Variants in PSME4 observed in about 807,000 individuals in gnomAD.
PSME4 encodes proteasome activator subunit 4, also known as proteasome activator complex subunit 4.
In PSME4, 89 loss-of-function variants were observed where a neutral mutation model predicts 253.9. The ratio of observed to expected loss-of-function variants is 0.35; its 90% CI spans 0.30 to 0.42. PSME4 has a LOEUF of 0.42. Among genes scored for constraint, PSME4 ranks in the 10% least tolerant of loss-of-function variants. PSME4 has a pLI of 1.00. For synonymous variants in PSME4, 851 were observed against 759.2 expected (o/e 1.12, Z -1.99); for missense variants, 2,014 against 2,195.2 (o/e 0.92, Z 1.65).
At chr2:53,956,319 A>G (rs955861050) in intron 1 of PSME4, among the ~76,000 whole-genome samples, 9 of 152,020 alleles carry the variant, frequency 5.9e-5, no homozygotes, top group African/African-American at 1.7e-4. Context: ...ACCTGAGGTC[A>G]GGAGTTTGAG....
Position 53,931,818 on chromosome 2 carries a change from T to C in PSME4, c.1316+17A>G. The C allele has an allele frequency of 6.2e-7, 1 of 1,611,688 alleles. No homozygotes were observed. The highest frequency in any genetic ancestry group is 8.5e-7 in the Non-Finnish European group (1 of 1,178,458). Reference sequence around the variant, plus strand: ...AGAAAAACCTAGCTGTGGCTGAGACTCCCACTAACCACTTACCTTTCAAGT... The same window carrying C: ...AGAAAAACCTAGCTGTGGCTGAGACCCCCACTAACCACTTACCTTTCAAGT... On this transcript the variant is annotated intron_variant, in intron 10 of 46. Coordinates refer to ENST00000404125, the MANE Select transcript of PSME4 (RefSeq NM_014614.3).
chr2:53,868,475 T>C (rs1202201619), intron 44 of PSME4, among the ~76,000 whole-genome samples: 1 of 90,138 alleles, frequency 1.1e-5, no homozygotes, highest in African/African-American at 4.2e-5. Context: ...TTATAAAATA[T>C]ATTTATAATA....
intron 1 of PSME4, among the ~76,000 whole-genome samples, chr2:53,965,098 C>A (rs775952353): frequency 5.9e-5 from 9 of 151,944 alleles, no homozygotes; most frequent in African/African-American, 2.2e-4. Context: ...CACACACACA[C>A]ACAGACACAC....
At chr2:53,941,872 G>A (rs765202265) in intron 3 of PSME4, among the ~76,000 whole-genome samples, 1 of 151,912 alleles carries the variant, frequency 6.6e-6, no homozygotes, top group Non-Finnish European at 1.5e-5. Context: ...TTTCACATAC[G>A]ACCTTGCTAT....
chr2:53,964,802 C>T (rs1670639661), intron 1 of PSME4, among the ~76,000 whole-genome samples: 1 of 152,128 alleles, frequency 6.6e-6, no homozygotes, highest in Admixed American at 6.6e-5. Flanking sequence ...CTTGACTACA[C>T]CTAAGTTTCT....
intron 1 of PSME4, among the ~76,000 whole-genome samples, 165 bp from the exon 2 acceptor site, chr2:53,949,448 CTTTT>C (rs77741355): frequency 0.012 from 1,611 of 139,414 alleles, 24 homozygotes; most frequent in African/African-American, 0.041. Context: ...GGATTATTGT[CTTTT>C]TTTTTTTTTT....
intron 1 of PSME4, among the ~76,000 whole-genome samples, chr2:53,955,652 T>C (rs549604349): frequency 1.3e-5 from 2 of 152,306 alleles, no homozygotes; most frequent in South Asian, 2.1e-4. Flanking sequence ...CCCAGCACAG[T>C]GGCTCATGTC....
chr2:53,906,771 T>C (rs1163762043), intron 25 of PSME4, 35 bp downstream of exon 25: 2 of 1,602,000 alleles, frequency 1.2e-6, no homozygotes, highest in Non-Finnish European at 1.7e-6. Flanking sequence ...AAATTGACAT[T>C]TTAAAAAGTC....
intron 1 of PSME4, among the ~76,000 whole-genome samples, chr2:53,968,580 T>C (rs1286283582): frequency 6.6e-6 from 1 of 152,170 alleles, no homozygotes; most frequent in Admixed American, 6.6e-5. Context: ...GATCACAACA[T>C]GTCCCACCGC....
chr2:53,888,655 C>T, intron 38 of PSME4, 66 bp downstream of exon 38: 1 of 1,132,876 alleles, frequency 8.8e-7, no homozygotes, highest in South Asian at 1.3e-5. Context: ...CCATTCATTT[C>T]CATTTATACA....
intron 41 of PSME4, among the ~76,000 whole-genome samples, chr2:53,885,327 C>T (rs747035247): frequency 8.5e-5 from 13 of 152,140 alleles, no homozygotes; most frequent in Non-Finnish European, 1.8e-4. Flanking sequence ...TGAACATTTT[C>T]GTTTGTAGAT....
At chr2:53,872,890 AG>A (rs1435842717) in intron 43 of PSME4, among the ~76,000 whole-genome samples, 2 of 133,876 alleles carry the variant, frequency 1.5e-5, no homozygotes, top group Non-Finnish European at 3.3e-5. Flanking sequence ...AAGAATAATA[AG>A]AAATTAAAAA....
Position 53,892,575 on chromosome 2 carries a change from T to A in PSME4, c.4191+233A>T, listed in dbSNP as rs573626004. On this transcript the variant is annotated intron_variant, in intron 36 of 46. Coordinates refer to ENST00000404125, the MANE Select transcript of PSME4 (RefSeq NM_014614.3). ...ACTGGAATTCTTTTTTAATTTTTTTTAAATTTTTTCCCCCAATGTGGATAA... is the reference window on the plus strand; with the variant it reads ...ACTGGAATTCTTTTTTAATTTTTTTAAAATTTTTTCCCCCAATGTGGATAA... Among the ~76,000 whole-genome samples, 8 of 152,292 alleles carry A rather than the reference T, an allele frequency of 5.3e-5. No individual in the cohort carries two copies. The South Asian group carries it at 1.0e-3, about 20-fold the overall frequency.
chr2:53,903,384 A>C (rs1007830018), intron 27 of PSME4, among the ~76,000 whole-genome samples: 3 of 152,186 alleles, frequency 2.0e-5, no homozygotes, highest in African/African-American at 7.2e-5. Flanking sequence ...TTCAATCAAC[A>C]AGTCCCATCC....
At chr2:53,967,353 G>A (rs1670785079) in intron 1 of PSME4, among the ~76,000 whole-genome samples, 1 of 151,868 alleles carries the variant, frequency 6.6e-6, no homozygotes, top group Non-Finnish European at 1.5e-5. Flanking sequence ...TAAAAATGAA[G>A]AAAAAAGTCA....
chr2:53,894,803 T>C (rs1319621832), intron 34 of PSME4, among the ~76,000 whole-genome samples: 2 of 152,140 alleles, frequency 1.3e-5, no homozygotes, highest in Non-Finnish European at 1.5e-5. Flanking sequence ...CAGTCTTAGA[T>C]ACATCAACAT....
At chr2:53,902,517 C>T (rs1215500450) in intron 27 of PSME4, among the ~76,000 whole-genome samples, 1 of 152,154 alleles carries the variant, frequency 6.6e-6, no homozygotes, top group African/African-American at 2.4e-5. Flanking sequence ...TCTATAAGGT[C>T]ACTCATAACC....
chr2:53,910,781 A>G (rs186351047), intron 20 of PSME4, among the ~76,000 whole-genome samples: 31 of 152,346 alleles, frequency 2.0e-4, no homozygotes, highest in African/African-American at 7.5e-4. Flanking sequence ...ATTTTATAGG[A>G]AAATGAGAAT....
At chr2:53,954,959 C>G (rs1670164746) in intron 1 of PSME4, among the ~76,000 whole-genome samples, 1 of 151,968 alleles carries the variant, frequency 6.6e-6, no homozygotes, top group Non-Finnish European at 1.5e-5. Flanking sequence ...GAGGAAAGAT[C>G]ACTTGAGGAC....
Sources: gnomAD v4.1 joint callset for allele counts (sites outside exome capture counted in the v4.1 genomes callset) on GRCh38, gnomAD v4.1.1 for gene constraint, MANE v1.5 for transcripts, NCBI Gene and HGNC (gene_info 2026-07-23, HGNC 2026-07-21) for gene names.